Variants in JPH1 observed in about 807,000 individuals in gnomAD.
JPH1 encodes junctophilin 1.
JPH1 carries 12 observed loss-of-function variants against 53.6 expected under a neutral mutation model. The ratio of observed to expected loss-of-function variants is 0.22; its 90% confidence interval spans 0.14 to 0.36. The LOEUF (loss-of-function observed/expected upper bound fraction) is 0.36, where lower values mean the gene tolerates loss of function less well. JPH1 is among the 10% of genes least tolerant of loss of function. The pLI is 1.00. For synonymous variants in JPH1, 375 were observed against 363.8 expected (o/e 1.03, Z -0.35); for missense variants, 808 against 905.5 (o/e 0.89, Z 1.38).
intron 2 of JPH1, among the ~76,000 whole-genome samples, chr8:74,270,088 A>G (rs971586456): frequency 6.7e-5 from 10 of 149,072 alleles, no homozygotes; most frequent in South Asian, 4.2e-4. Flanking sequence ...TCTTCTCCCA[A>G]TGTATTTTTT....
chr8:74,241,388 G>GAAA (rs1347211000), intron 4 of JPH1, among the ~76,000 whole-genome samples: 1 of 150,730 alleles, frequency 6.6e-6, no homozygotes, highest in Admixed American at 6.6e-5. Flanking sequence ...ATAGCAAAAT[G>GAAA]AAAAAAAAAT....
At chr8:74,308,180 A>G (rs1462611405) in intron 2 of JPH1, among the ~76,000 whole-genome samples, 1 of 152,230 alleles carries the variant, frequency 6.6e-6, no homozygotes, top group African/African-American at 2.4e-5. Flanking sequence ...AAGCTAAGCC[A>G]ATGTTATCAC....
At chr8:74,307,161 C>T (rs144585396) in intron 2 of JPH1, among the ~76,000 whole-genome samples, 70 of 152,292 alleles carry the variant, frequency 4.6e-4, no homozygotes, top group African/African-American at 1.7e-3. Context: ...TCCTTCCCTT[C>T]CTGTTTCCTT....
chr8:74,278,348 T>A (rs551950706), intron 2 of JPH1, among the ~76,000 whole-genome samples: 3 of 152,200 alleles, frequency 2.0e-5, no homozygotes, highest in Non-Finnish European at 2.9e-5. Flanking sequence ...GTAAGTCTAA[T>A]ACATGGCACT....
At chr8:74,241,897 C>T (rs2131374832) in intron 4 of JPH1, among the ~76,000 whole-genome samples, 1 of 152,210 alleles carries the variant, frequency 6.6e-6, no homozygotes, top group Admixed American at 6.5e-5. Context: ...TGGAAAATTC[C>T]CCTCTTGTCT....
At chr8:74,274,441 C>T (rs1274622005) in intron 2 of JPH1, among the ~76,000 whole-genome samples, 1 of 152,182 alleles carries the variant, frequency 6.6e-6, no homozygotes, top group African/African-American at 2.4e-5. Context: ...GAGAAGCTTA[C>T]AAGAAACTGC....
chr8:74,261,883 A>G (rs1039489120), intron 2 of JPH1, among the ~76,000 whole-genome samples: 2 of 152,238 alleles, frequency 1.3e-5, no homozygotes, highest in Non-Finnish European at 2.9e-5. Context: ...ATCACGACAC[A>G]CCACCATACA....
intron 2 of JPH1, among the ~76,000 whole-genome samples, chr8:74,282,368 T>C (rs971463): frequency 0.36 from 55,175 of 151,996 alleles, 10,239 homozygotes; most frequent in South Asian, 0.49. Flanking sequence ...ATATTACACT[T>C]GGAGCGATCT....
intron 5 of JPH1, 22 bp from the exon 6 acceptor site, chr8:74,237,057 A>G (rs1807021140): frequency 8.2e-6 from 5 of 611,552 alleles, no homozygotes; most frequent in Non-Finnish European, 1.5e-5. Context: ...AAACAGTTAT[A>G]GCAATTAAGT....
chr8:74,273,381 ATTC>A (rs1344969091), intron 2 of JPH1, among the ~76,000 whole-genome samples: 1 of 152,118 alleles, frequency 6.6e-6, no homozygotes, highest in African/African-American at 2.4e-5. Flanking sequence ...ACTTAACTGA[ATTC>A]TTCTTATCCT....
Position 74,321,244 on chromosome 8 carries a change from C to T in JPH1, c.44G>A (p.Cys15Tyr). 1 of 1,604,666 alleles carries T rather than the reference C, an allele frequency of 6.2e-7. No individual in the cohort carries two copies. Residue 15 changes from cysteine (C) to tyrosine (Y), a missense_variant, in exon 1 of 6, where the codon TGC becomes TAC. This residue lies in a region of JPH1 where 52 missense variants were observed against 93.6 expected (regional missense o/e 0.56). Transcript: ENST00000342232. This position sits in a 1 kb window ranked among gnomAD's most constrained non-coding sequence, Gnocchi z 4.3. ...RFDFDDGGTYCGGWEEGKAHG... is the reference protein window; with the variant it reads ...RFDFDDGGTYYGGWEEGKAHG... ...CGCCTTGCCCTCCTCCCAGCCGCCG[C>T]AGTAGGTGCCGCCATCGTCGAAGTC...
rs1361638798 is a variant in JPH1 at position 74,235,942 on chromosome 8, T to C, written c.*1109A>G. The C allele has an allele frequency of 6.6e-6, 1 of 152,214 alleles. No individual in the cohort carries two copies. Among genetic ancestry groups the C allele is most frequent in the Non-Finnish European group, 1.5e-5 (1 of 68,022 alleles). 9.4% of individuals were successfully genotyped at this position (152,214 alleles called of 1,614,324 possible). A position where few individuals can be genotyped will look rare whatever the true frequency, so the allele number is the denominator to read the frequency against. On this transcript the variant is annotated 3_prime_UTR_variant, in exon 6 of 6. Coordinates refer to ENST00000342232, the MANE Select transcript of JPH1 (RefSeq NM_020647.4). The stretch of plus-strand genomic sequence containing the variant: ...AAGAAAGAGCAGAGCAGTTTATTAA[T>C]AGCATCTTGCTTAACTTTCATGGGA...
At chr8:74,304,182 C>T (rs1331963654) in intron 2 of JPH1, among the ~76,000 whole-genome samples, 1 of 152,218 alleles carries the variant, frequency 6.6e-6, no homozygotes, top group African/African-American at 2.4e-5. Context: ...GCTTTTTCAT[C>T]TGTCCTAACC....
intron 2 of JPH1, among the ~76,000 whole-genome samples, chr8:74,309,553 T>C (rs1352897965): frequency 1.3e-5 from 2 of 152,248 alleles, no homozygotes; most frequent in African/African-American, 2.4e-5. Flanking sequence ...TCACTTCTTA[T>C]TTGCTTTCTC....
intron 2 of JPH1, among the ~76,000 whole-genome samples, chr8:74,265,246 C>T (rs1276171059): frequency 1.3e-5 from 2 of 152,174 alleles, no homozygotes; most frequent in South Asian, 2.1e-4. Context: ...TTGGGAATAG[C>T]GGTGTCTACT....
intron 2 of JPH1, among the ~76,000 whole-genome samples, chr8:74,280,213 C>T (rs539939126): frequency 1.1e-4 from 17 of 152,142 alleles, no homozygotes; most frequent in East Asian, 3.9e-4. Flanking sequence ...ACATAACACT[C>T]GAGGATTAAT....
Position 74,247,636 on chromosome 8 carries a change from G to C in JPH1, c.1259-2461C>G, listed in dbSNP as rs891350854. Among the ~76,000 whole-genome samples, 3 of 152,142 alleles carry C rather than the reference G, an allele frequency of 2.0e-5. 1 individual carries two copies. The highest frequency in any genetic ancestry group is 2.0e-4 in the Admixed American group (3 of 15,266). ...CAAAGTTGGAGGGAAAAGGTAAAGAGTCACTGCGCCCTGAGAAATGAAGCT... is the reference window on the plus strand; with the variant it reads ...CAAAGTTGGAGGGAAAAGGTAAAGACTCACTGCGCCCTGAGAAATGAAGCT... On this transcript the variant is annotated intron_variant, in intron 3 of 5. Coordinates refer to ENST00000342232, the MANE Select transcript of JPH1 (RefSeq NM_020647.4).
At chr8:74,239,408 G>A (rs1805630990) in intron 4 of JPH1, among the ~76,000 whole-genome samples, 1 of 152,094 alleles carries the variant, frequency 6.6e-6, no homozygotes, top group Non-Finnish European at 1.5e-5. Context: ...CCTTTAAAAT[G>A]ACATTTTCCT....
At chr8:74,316,326 A>G (rs938130107) in intron 1 of JPH1, among the ~76,000 whole-genome samples, 3 of 152,196 alleles carry the variant, frequency 2.0e-5, no homozygotes, top group Admixed American at 6.5e-5. Flanking sequence ...TTGTGCTTCT[A>G]AGTGAAAAGG....
Sources: gnomAD v4.1 joint callset for allele counts (sites outside exome capture counted in the v4.1 genomes callset) on GRCh38, gnomAD v4.1.1 for gene constraint, gnomAD v4.1.1 regional missense constraint, Gnocchi (gnomAD v3.1) non-coding constraint, MANE v1.5 for transcripts, NCBI Gene and HGNC (gene_info 2026-07-23, HGNC 2026-07-21) for gene names.